The following KLC4 variants were observed in gnomAD, a reference collection of about 807,000 sequenced individuals.
KLC4 encodes the protein kinesin light chain 4.
Under a neutral mutation model 77.2 loss-of-function variants are expected in KLC4, and 49 were observed. The observed-to-expected ratio is 0.63, with a 90% CI of 0.50 to 0.80. The LOEUF is 0.80. KLC4 is among the 30% of genes least tolerant of loss of function. KLC4 has a pLI of 0.00. For missense variants in KLC4, 669 were observed against 793.5 expected, an observed-to-expected ratio of 0.84 and a Z score of 1.89; for synonymous variants, 274 against 314.5, an observed-to-expected ratio of 0.87 and a Z score of 1.36.
At chr6:43,061,242 T>G in intron 1 of KLC4, 69 bp from the exon 2 acceptor site, 1 of 1,505,620 alleles carries the variant, frequency 6.6e-7, no homozygotes, top group Non-Finnish European at 9.0e-7. Flanking sequence ...TTCCCACCAC[T>G]CTCTGAGAAA....
intron 1 of KLC4, chr6:43,060,708 A>T (rs1051777533): frequency 2.4e-6 from 2 of 839,664 alleles, no homozygotes; most frequent in African/African-American, 3.7e-5. Context: ...TAGTGGGAAA[A>T]TATGCAGGGC....
Position 43,070,841 on chromosome 6 carries a change from T to G in KLC4, c.1131T>G (p.Asn377Lys), listed in dbSNP as rs1334436760. 2 of 1,560,446 alleles carry G rather than the reference T, an allele frequency of 1.3e-6. No individual in the cohort carries two copies. The highest frequency in any genetic ancestry group is 4.9e-5 in the East Asian group (2 of 40,670). ...GGCAGCTGGGGCCGGACAACCCTAA[T>G]GTAGCCCGGACCAAGAACAACCTGG... ...YEGQLGPDNP[N>K]VARTKNNLAS... Residue 377 changes from asparagine to lysine, a missense_variant, in exon 8 of 16, where the codon AAT (asparagine) becomes AAG (lysine). Transcript: ENST00000347162.
In KLC4 at chr6:43,063,188, C is replaced by T. The variant is rs200149333; in HGVS notation, c.489+41C>T. 1.9e-4 allele frequency: 276 copies of T among 1,490,356 alleles called. No individual in the cohort carries two copies. The African/African-American group carries it at 3.1e-3, about 17-fold the overall frequency. The allele number at this position is 1,490,356 out of a possible 1,614,324, so 92.3% of individuals were successfully genotyped here. A position where few individuals can be genotyped will look rare whatever the true frequency, so the allele number is the denominator to read the frequency against. On this transcript the variant is annotated intron_variant, in intron 3 of 15. Coordinates refer to ENST00000347162, the MANE Select transcript of KLC4 (RefSeq NM_201521.3). ...CGAGACTGGCTGAGGGGTGGGCAGC[C>T]GGGAGTTACCACAGACATGGGGGCA...
chr6:43,061,172 G>A, intron 1 of KLC4, 139 bp from the exon 2 acceptor site: 1 of 854,990 alleles, frequency 1.2e-6, no homozygotes, highest in Non-Finnish European at 1.8e-6. Context: ...CTGCCTGCTG[G>A]TCACTCTCTC....
Position 43,062,983 on chromosome 6 carries a change from G to A in KLC4, c.325G>A (p.Val109Met). 1 of 1,614,170 alleles carries A rather than the reference G, an allele frequency of 6.2e-7. No homozygotes were observed. Among genetic ancestry groups the A allele is most frequent in the Non-Finnish European group, 8.5e-7 (1 of 1,180,032 alleles). The change falls in exon 3 of 16, where the codon GTG (valine) becomes ATG (methionine). Residue 109 changes from valine (V) to methionine (M), a missense_variant. Val to Met is a conservative substitution (Grantham distance 21). Transcript: ENST00000347162. Reference sequence around the variant, plus strand: ...GGAGAAACAGAAGCTGCGGGCTCAGGTGCGGCGGCTATGCCAGGAGAACCA... The same window carrying A: ...GGAGAAACAGAAGCTGCGGGCTCAGATGCGGCGGCTATGCCAGGAGAACCA... ...ESEKQKLRAQ[V>M]RRLCQENQWL...
At chr6:43,074,571 C>T (rs1397663622) in intron 15 of KLC4, 51 bp from the exon 16 acceptor site, 1 of 1,537,484 alleles carries the variant, frequency 6.5e-7, no homozygotes, top group Non-Finnish European at 9.0e-7. Flanking sequence ...AGGAGCCAGT[C>T]TTTGGGAGGC....
Position 43,072,920 on chromosome 6 carries a change from T to C in KLC4, c.1585T>C (p.Phe529Leu). Reference sequence around the variant, plus strand: ...GGAGGGCCCTGGAGACAGTGTGAAATTCGAGGGAGGTGAAGATGCTTCTGT... The same window carrying C: ...GGAGGGCCCTGGAGACAGTGTGAAACTCGAGGGAGGTGAAGATGCTTCTGT... Reference protein sequence around the residue: ...SQEGPGDSVKFEGGEDASVAV... With the variant: ...SQEGPGDSVKLEGGEDASVAV... The change falls in exon 13 of 16, where the codon TTC (phenylalanine) becomes CTC (leucine). Residue 529 changes from phenylalanine to leucine, a missense_variant. Coordinates refer to ENST00000347162, the MANE Select transcript of KLC4 (RefSeq NM_201521.3). 6.2e-7 allele frequency: 1 copy of C among 1,609,996 alleles called. No homozygotes were observed. Among genetic ancestry groups the C allele is most frequent in the Non-Finnish European group, 8.5e-7 (1 of 1,178,606 alleles).
At chr6:43,068,673 A>C (rs749218129) in intron 6 of KLC4, among the ~76,000 whole-genome samples, 4 of 151,380 alleles carry the variant, frequency 2.6e-5, no homozygotes, top group Non-Finnish European at 5.9e-5. Context: ...TTAGCCAGGC[A>C]TGGTGGCATA....
intron 1 of KLC4, 60 bp downstream of exon 1, chr6:43,059,745 G>A: frequency 8.2e-7 from 1 of 1,217,006 alleles, no homozygotes; most frequent in Non-Finnish European, 1.0e-6. Flanking sequence ...TCTTATTCTC[G>A]CACTACCAGA....
In KLC4 at chr6:43,072,825, G is replaced by A; in HGVS notation, c.1490G>A (p.Gly497Asp). The A allele has an allele frequency of 6.2e-7, 1 of 1,613,876 alleles. No individual in the cohort carries two copies. The highest frequency in any genetic ancestry group is 8.5e-7 in the Non-Finnish European group (1 of 1,179,886). Residue 497 changes from glycine to aspartate, a missense_variant and splice_region_variant, in exon 13 of 16, where the codon GGC (glycine) becomes GAC (aspartate). Physicochemically the swap from Gly to Asp is moderately conservative, Grantham distance 94 (BLOSUM62 -1). Transcript: ENST00000347162. The part of the protein sequence containing the change: ...EECALRSRRQ[G>D]TDPISQTKVA... Reference sequence around the variant, plus strand: ...CCAGGTCCTTCCTTTTCCTTCCAGGGCACTGACCCTATCAGCCAGACGAAG... The same window carrying A: ...CCAGGTCCTTCCTTTTCCTTCCAGGACACTGACCCTATCAGCCAGACGAAG...
At chr6:43,071,148 G>T (rs1437063561) in intron 8 of KLC4, 127 bp from the exon 9 acceptor site, 3 of 653,482 alleles carry the variant, frequency 4.6e-6, no homozygotes, top group Non-Finnish European at 5.2e-6. Flanking sequence ...TCTGGGGAAA[G>T]TGAGAGAGAC....
At position 43,075,023 on chromosome 6, in the gene KLC4, T is replaced by TCCC; in HGVS notation, c.*352_*354dup. The TCCC allele has an allele frequency of 3.4e-6, 1 of 298,218 alleles. No homozygotes were observed. The highest frequency in any genetic ancestry group is 6.4e-6 in the Non-Finnish European group (1 of 157,376). The allele number at this position is 298,218 out of a possible 1,614,324, so 18.5% of individuals were successfully genotyped here. A position where few individuals can be genotyped will look rare whatever the true frequency, so the allele number is the denominator to read the frequency against. On this transcript the variant is annotated 3_prime_UTR_variant, in exon 16 of 16. Coordinates refer to ENST00000347162, the MANE Select transcript of KLC4 (RefSeq NM_201521.3). ...GCTGCCTTGCCCTGGCCGCTCTTAC[T>TCCC]CCCTCCCTCTGCTGTCTCACTTCAG...
chr6:43,066,543 C>G lies in KLC4; in HGVS notation c.791+18C>G. 1 of 1,595,966 alleles carries G rather than the reference C, an allele frequency of 6.3e-7. No individual in the cohort carries two copies. The highest frequency in any genetic ancestry group is 2.2e-5 in the East Asian group (1 of 44,576). On this transcript the variant is annotated intron_variant, in intron 5 of 15. Transcript: ENST00000347162. Reference sequence around the variant, plus strand: ...GTGTATCGGTGAGGACTTCCCTCCTCCAGTGCCCAGATCTTCCCCCACATT... The same window carrying G: ...GTGTATCGGTGAGGACTTCCCTCCTGCAGTGCCCAGATCTTCCCCCACATT...
chr6:43,069,497 A>G (rs1042504364), intron 6 of KLC4, among the ~76,000 whole-genome samples: 1 of 151,574 alleles, frequency 6.6e-6, no homozygotes, highest in Admixed American at 6.6e-5. Context: ...CACCTACCTC[A>G]GCCTTCCAAA....
chr6:43,059,996 C>G (rs1232201143), intron 1 of KLC4: 2 of 1,391,910 alleles, frequency 1.4e-6, no homozygotes, highest in South Asian at 1.5e-5. Flanking sequence ...TCTCACTCTC[C>G]CAACCCTGGG....
chr6:43,062,859 C>A, intron 2 of KLC4, 58 bp from the exon 3 acceptor site: 1 of 1,458,700 alleles, frequency 6.9e-7, no homozygotes, highest in Non-Finnish European at 9.6e-7. Flanking sequence ...GCTCCCCTTC[C>A]ACCTGTTCCT....
intron 5 of KLC4, 123 bp from the exon 6 acceptor site, chr6:43,066,873 A>T (rs571242179): frequency 7.0e-7 from 1 of 1,420,686 alleles, no homozygotes; most frequent in East Asian, 2.3e-5. Context: ...TGTCCACGCC[A>T]GGCTTCCTGT....
rs758507030 is a variant in KLC4 at position 43,072,240 on chromosome 6, G to GCGGTC, written c.1475_1479dup (p.Arg494GlyfsTer36). On this transcript the variant is annotated frameshift_variant, in exon 12 of 16. Coordinates refer to ENST00000347162, the MANE Select transcript of KLC4 (RefSeq NM_201521.3). LOFTEE classifies it high-confidence loss of function. ...CTGAGACCCTGGAGGAATGTGCCCTGCGGTCCCGGAGACAGGTCAGAAGCC... is the reference window on the plus strand; with the variant it reads ...CTGAGACCCTGGAGGAATGTGCCCTGCGGTCCGGTCCCGGAGACAGGTCAGAAGCC... 62 of 1,613,834 alleles carry GCGGTC rather than the reference G, an allele frequency of 3.8e-5. No homozygotes were observed. The highest frequency in any genetic ancestry group is 5.0e-5 in the Non-Finnish European group (59 of 1,179,880).
At chr6:43,069,216 GA>G (rs1475270830) in intron 6 of KLC4, among the ~76,000 whole-genome samples, 1 of 152,094 alleles carries the variant, frequency 6.6e-6, no homozygotes, top group Non-Finnish European at 1.5e-5. Flanking sequence ...TACAGAAAAT[GA>G]AAAATGAAAA....
Sources: gnomAD v4.1 joint callset for allele counts (sites outside exome capture counted in the v4.1 genomes callset) on GRCh38, gnomAD v4.1.1 for gene constraint, MANE v1.5 for transcripts, NCBI Gene and HGNC (gene_info 2026-07-23, HGNC 2026-07-21) for gene names.